Variants in DDX46 observed in about 807,000 individuals in gnomAD.
DDX46 encodes the protein DEAD-box helicase 46.
In DDX46, 30 loss-of-function variants were observed where a neutral mutation model predicts 134.9. The observed-to-expected ratio is 0.22, with a 90% CI of 0.17 to 0.30. The LOEUF (loss-of-function observed/expected upper bound fraction) is 0.30, where lower values mean the gene tolerates loss of function less well. Ranked by LOEUF, DDX46 falls within the 10% of genes least tolerant of loss-of-function variation. The probability of loss-of-function intolerance (pLI) is 1.00; values close to 1 mark genes in which losing one functional copy is unlikely to be tolerated. For synonymous variants in DDX46, 415 were observed against 404.1 expected, an observed-to-expected ratio of 1.03 and a Z score of -0.32; for missense variants, 622 against 1,248.7, an observed-to-expected ratio of 0.50 and a Z score of 7.56.
At chr5:134,794,733 G>A in intron 13 of DDX46, 117 bp from the exon 14 acceptor site, 7 of 1,281,702 alleles carry the variant, frequency 5.5e-6, no homozygotes, top group Non-Finnish European at 7.6e-6. Context: ...GGGAGACTGT[G>A]GGAGTGGCAA....
chr5:134,801,130 T>C (rs1754816057), intron 15 of DDX46, among the ~76,000 whole-genome samples: 1 of 152,008 alleles, frequency 6.6e-6, no homozygotes, highest in East Asian at 1.9e-4. Flanking sequence ...TGAAAAAATT[T>C]AAAAACTATA....
intron 12 of DDX46, 88 bp downstream of exon 12, chr5:134,788,679 T>C (rs1326677874): frequency 5.1e-6 from 6 of 1,170,734 alleles, no homozygotes; most frequent in Non-Finnish European, 7.5e-6. Context: ...CAACAAAGGG[T>C]TTCTATATTT....
intron 1 of DDX46, among the ~76,000 whole-genome samples, chr5:134,760,775 G>C (rs187883613): frequency 5.3e-5 from 8 of 152,134 alleles, no homozygotes; most frequent in African/African-American, 1.7e-4. Flanking sequence ...CTTTCGCCAG[G>C]CTGGAGTGCA....
chr5:134,800,695 G>T (rs1754799760), intron 15 of DDX46, among the ~76,000 whole-genome samples: 3 of 152,058 alleles, frequency 2.0e-5, no homozygotes, highest in Admixed American at 2.0e-4. Context: ...TTGTTTTTGA[G>T]GCAGAGTTTT....
At chr5:134,787,931 G>T (rs1432554513) in intron 11 of DDX46, among the ~76,000 whole-genome samples, 3 of 151,568 alleles carry the variant, frequency 2.0e-5, no homozygotes, top group African/African-American at 4.9e-5. Context: ...TGAGATGGGA[G>T]GGTCACTTGA....
At chr5:134,796,220 A>G in intron 15 of DDX46, 70 bp downstream of exon 15, 1 of 1,520,770 alleles carries the variant, frequency 6.6e-7, no homozygotes. Flanking sequence ...TGTGTTCTCG[A>G]TGATACTTAC....
In DDX46 at chr5:134,794,806, G is replaced by A. The variant is rs751774604; in HGVS notation, c.1627-44G>A. On this transcript the variant is annotated intron_variant, in intron 13 of 22. Transcript: ENST00000452510. ...GTTTTAACATTGCATAAGCTTTGAA[G>A]ACCATATTTACCATATTTATTTGTA... 4 of 1,603,962 alleles carry A rather than the reference G, an allele frequency of 2.5e-6. No homozygotes were observed. The African/African-American group carries it at 5.4e-5, about 22-fold the overall frequency.
At chr5:134,767,563 A>G (rs1456459722) in intron 3 of DDX46, among the ~76,000 whole-genome samples, 1 of 151,762 alleles carries the variant, frequency 6.6e-6, no homozygotes, top group African/African-American at 2.4e-5. Context: ...CTGGTCTCGA[A>G]CTCCTGACCT....
intron 5 of DDX46, among the ~76,000 whole-genome samples, chr5:134,776,085 AAAG>A (rs1451719616): frequency 6.6e-6 from 1 of 152,174 alleles, no homozygotes; most frequent in Non-Finnish European, 1.5e-5. Flanking sequence ...AAGCGGGAGA[AAAG>A]AATGTTATTA....
rs888694285 is a variant in DDX46, at chr5:134,789,588, T to C, written c.1544-882T>C. ...GTTTGAATGCTGATTAAATAATCCCTTTTTTTTTTTCTCAATGCTGCATTG... is the reference window on the plus strand; with the variant it reads ...GTTTGAATGCTGATTAAATAATCCCCTTTTTTTTTTCTCAATGCTGCATTG... On this transcript the variant is annotated intron_variant, in intron 12 of 22. Coordinates refer to ENST00000452510, the MANE Select transcript of DDX46 (RefSeq NM_001300860.2). Among the ~76,000 whole-genome samples the C allele has an allele frequency of 4.3e-5, 6 of 139,322 alleles. No homozygotes were observed. In the South Asian group the frequency reaches 6.5e-4, roughly 15 times the overall value. The allele number at this position is 139,322 out of a possible 152,430, so 91.4% of individuals were successfully genotyped here. A position where few individuals can be genotyped will look rare whatever the true frequency, so the allele number is the denominator to read the frequency against.
chr5:134,817,718 A>T lies in DDX46; in HGVS notation c.2832+4A>T. Reference sequence around the variant, plus strand: ...AGAGATCAATGACTTCCCACAGGCAAGTAACAGGTTTAAACCTTTTTTTAT... The same window carrying T: ...AGAGATCAATGACTTCCCACAGGCATGTAACAGGTTTAAACCTTTTTTTAT... On this transcript the variant is annotated splice_donor_region_variant and intron_variant, in intron 20 of 22. Coordinates refer to ENST00000452510, the MANE Select transcript of DDX46 (RefSeq NM_001300860.2). The T allele has an allele frequency of 3.1e-6, 5 of 1,612,972 alleles. No individual in the cohort carries two copies. Among genetic ancestry groups the T allele is most frequent in the Non-Finnish European group, 4.2e-6 (5 of 1,179,546 alleles).
chr5:134,780,594 A>G (rs550200140), intron 6 of DDX46: 9 of 149,190 alleles, frequency 6.0e-5, no homozygotes, highest in Non-Finnish European at 1.2e-4. Flanking sequence ...AAATAAATAA[A>G]TAAATAAAGT....
chr5:134,803,150 C>A (rs1422213717), intron 15 of DDX46, among the ~76,000 whole-genome samples: 3 of 152,106 alleles, frequency 2.0e-5, no homozygotes, highest in African/African-American at 7.2e-5. Context: ...CGTGCCACCA[C>A]GCCCAGCTAA....
chr5:134,798,194 T>G (rs1008427915), intron 15 of DDX46, among the ~76,000 whole-genome samples: 24 of 146,738 alleles, frequency 1.6e-4, no homozygotes, highest in African/African-American at 5.2e-4. Context: ...TTTGTTGTTG[T>G]TTGTTTGTTT....
rs1755033201 is a variant in DDX46, at chr5:134,807,815, G to T, written c.2022G>T (p.Val674=). ...AGAATGGGACCTGCAAACTTCTTGT[G>T]GCTACCTCTGTTGCTGCCCGAGGTC... ...DFKNGTCKLL[V]ATSVAARGLD... Residue 674 remains valine (V), a synonymous_variant, in exon 16 of 23, where the codon GTG becomes GTT. Transcript: ENST00000452510. 6.2e-7 allele frequency: 1 copy of T among 1,614,000 alleles called. No homozygotes were observed. The highest frequency in any genetic ancestry group is 1.3e-5 in the African/African-American group (1 of 74,908).
At chr5:134,764,414 C>G (rs1434739343) in intron 2 of DDX46, among the ~76,000 whole-genome samples, 1 of 151,946 alleles carries the variant, frequency 6.6e-6, no homozygotes, top group Non-Finnish European at 1.5e-5. Flanking sequence ...TGCCAAGTAG[C>G]TGGGATTTCA....
At chr5:134,782,895 C>T (rs781103686) in intron 8 of DDX46, 50 bp from the exon 9 acceptor site, 4 of 1,590,540 alleles carry the variant, frequency 2.5e-6, no homozygotes, top group Admixed American at 1.8e-5. Flanking sequence ...AAGTAGAAGA[C>T]ACCAATAGAA....
intron 18 of DDX46, among the ~76,000 whole-genome samples, chr5:134,813,205 A>T (rs1214449295): frequency 1.3e-5 from 2 of 152,186 alleles, no homozygotes; most frequent in South Asian, 4.1e-4. Context: ...GGCCTCCCAA[A>T]GTGCTCAGAT....
chr5:134,826,939 A>G lies in DDX46; in HGVS notation c.2978-8A>G. On this transcript the variant is annotated splice_polypyrimidine_tract_variant and splice_region_variant and intron_variant, in intron 21 of 22. Transcript: ENST00000452510. ...ATTTGAATAATATGCTTTCCACTCA[A>G]TCACTAGGTGCCAATGAACTGGCTG... 6.2e-7 allele frequency: 1 copy of G among 1,611,958 alleles called. No individual in the cohort carries two copies. The highest frequency in any genetic ancestry group is 8.5e-7 in the Non-Finnish European group (1 of 1,179,252).
Sources: allele counts gnomAD v4.1 joint callset (sites outside exome capture counted in the v4.1 genomes callset), GRCh38; gene constraint gnomAD v4.1.1; transcripts MANE v1.5; gene names NCBI Gene and HGNC (gene_info 2026-07-23, HGNC 2026-07-21).